ZNF804A: variants seen among roughly 807,000 people sequenced by gnomAD.
ZNF804A encodes zinc finger protein 804A.
In ZNF804A, 2 loss-of-function variants were observed where a neutral mutation model predicts 16.5. The ratio of observed to expected loss-of-function variants is 0.12; its 90% CI spans 0.05 to 0.38. The LOEUF (loss-of-function observed/expected upper bound fraction) is 0.38, where lower values mean the gene tolerates loss of function less well. Ranked by LOEUF, ZNF804A falls within the 10% of genes least tolerant of loss-of-function variation. The pLI is 0.99. For missense variants in ZNF804A, 1,473 were observed against 1,390.7 expected (o/e 1.06, Z -0.94); for synonymous variants, 534 against 489.6 (o/e 1.09, Z -1.20).
intron 1 of ZNF804A, among the ~76,000 whole-genome samples, chr2:184,650,134 G>T (rs1218374645): frequency 1.3e-5 from 2 of 151,966 alleles, no homozygotes; most frequent in African/African-American, 4.8e-5. Flanking sequence ...CTTCATTCCT[G>T]GGATTCAAGG....
At chr2:184,933,999 A>G (rs1407542688) in intron 3 of ZNF804A, among the ~76,000 whole-genome samples, 1 of 152,170 alleles carries the variant, frequency 6.6e-6, no homozygotes, top group African/African-American at 2.4e-5. Flanking sequence ...AAGTTATCTT[A>G]GTTGAAAGCT....
At position 184,938,717 on chromosome 2, in the gene ZNF804A, TGCAGCTGCTGCAGCTGCAGCTGCA is replaced by T. The variant is rs772277024; in HGVS notation, c.3324_3347del (p.Ala1112_Ala1119del). On this transcript the variant is annotated inframe_deletion, in exon 4 of 4. Coordinates refer to ENST00000302277, the MANE Select transcript of ZNF804A (RefSeq NM_194250.2). ...ATCACACTGTTTTGCAGCAGCACGC[TGCAGCTGCTGCAGCTGCAGCTGCA>T]GCCGCAGCTGCAGGAACCTTTAAAG... is the stretch of plus-strand genomic sequence containing the variant. The T allele has an allele frequency of 2.0e-5, 32 of 1,611,368 alleles. No individual in the cohort carries two copies. Among genetic ancestry groups the T allele is most frequent in the Non-Finnish European group, 2.5e-5 (30 of 1,178,282 alleles).
intron 1 of ZNF804A, among the ~76,000 whole-genome samples, chr2:184,800,290 C>T (rs1158243825): frequency 6.6e-6 from 1 of 151,830 alleles, no homozygotes; most frequent in African/African-American, 2.4e-5. Context: ...CTGAAATTCT[C>T]ATTGAAGTAT....
At chr2:184,722,598 T>C (rs908809664) in intron 1 of ZNF804A, among the ~76,000 whole-genome samples, 1 of 152,028 alleles carries the variant, frequency 6.6e-6, no homozygotes, top group Non-Finnish European at 1.5e-5. Flanking sequence ...TACGCAATAG[T>C]GACGTATGAA....
intron 1 of ZNF804A, among the ~76,000 whole-genome samples, chr2:184,853,576 A>G (rs917715560): frequency 6.6e-6 from 1 of 151,822 alleles, no homozygotes; most frequent in African/African-American, 2.4e-5. Context: ...TTCCTTCTAT[A>G]TCTAATTTTT....
At chr2:184,669,154 A>T (rs1211977371) in intron 1 of ZNF804A, among the ~76,000 whole-genome samples, 2 of 152,070 alleles carry the variant, frequency 1.3e-5, no homozygotes, top group Non-Finnish European at 2.9e-5. Context: ...AATGCAGTTT[A>T]TATAGTAAAA....
intron 1 of ZNF804A, among the ~76,000 whole-genome samples, chr2:184,752,306 T>C (rs141111382): frequency 8.7e-4 from 132 of 151,540 alleles, no homozygotes; most frequent in African/African-American, 3.0e-3. Context: ...GCGACAAAAA[T>C]AATAAAATTA....
intron 1 of ZNF804A, among the ~76,000 whole-genome samples, chr2:184,673,932 GTTTGAC>G (rs1265380328): frequency 2.0e-5 from 3 of 152,052 alleles, no homozygotes; most frequent in Admixed American, 6.6e-5. Context: ...AAAATCAATA[GTTTGAC>G]TTTGACATTT....
intron 2 of ZNF804A, among the ~76,000 whole-genome samples, chr2:184,892,009 G>A (rs1684991035): frequency 6.6e-6 from 1 of 152,094 alleles, no homozygotes; most frequent in Non-Finnish European, 1.5e-5. Flanking sequence ...AAATTACAAG[G>A]AGAAAAACAA....
intron 1 of ZNF804A, among the ~76,000 whole-genome samples, chr2:184,807,807 A>T (rs949303181): frequency 2.0e-5 from 3 of 151,672 alleles, no homozygotes; most frequent in Admixed American, 6.6e-5. Flanking sequence ...AAAAACACAT[A>T]TTAAGGCATT....
At chr2:184,885,065 A>C (rs1475326975) in intron 2 of ZNF804A, among the ~76,000 whole-genome samples, 4 of 152,204 alleles carry the variant, frequency 2.6e-5, no homozygotes, top group African/African-American at 7.2e-5. Flanking sequence ...TTGCAAAAGA[A>C]GATATACACA....
intron 1 of ZNF804A, among the ~76,000 whole-genome samples, chr2:184,630,232 C>T (rs1691583745): frequency 6.6e-6 from 1 of 151,928 alleles, no homozygotes; most frequent in Non-Finnish European, 1.5e-5. Context: ...TCTTTTATAC[C>T]TAGATAAGAT....
chr2:184,873,349 A>G (rs559051052), intron 2 of ZNF804A, among the ~76,000 whole-genome samples: 19 of 152,246 alleles, frequency 1.2e-4, no homozygotes, highest in Non-Finnish European at 2.6e-4. Context: ...TTAGCTGGCC[A>G]TGAAGGGCCA....
intron 1 of ZNF804A, among the ~76,000 whole-genome samples, chr2:184,865,624 T>C (rs563061240): frequency 6.6e-6 from 1 of 152,200 alleles, no homozygotes; most frequent in Non-Finnish European, 1.5e-5. Context: ...TTGGCCATTT[T>C]ATGCATTGCA....
rs1020395092 is a variant in ZNF804A at position 184,851,583 on chromosome 2, T to G, written c.112-14786T>G. 2.0e-5 allele frequency among the ~76,000 whole-genome samples: 3 copies of G among 151,984 alleles called. No homozygotes were observed. The East Asian group carries it at 5.8e-4, about 29-fold the overall frequency. Reference sequence around the variant, plus strand: ...ACAACACATTGTCTTTATCTCTTCATGCATCTATGGAGGTTTAGGCTGATT... The same window carrying G: ...ACAACACATTGTCTTTATCTCTTCAGGCATCTATGGAGGTTTAGGCTGATT... On this transcript the variant is annotated intron_variant, in intron 1 of 3. Transcript: ENST00000302277.
intron 1 of ZNF804A, among the ~76,000 whole-genome samples, chr2:184,637,396 A>G (rs993793107): frequency 6.6e-6 from 1 of 152,162 alleles, no homozygotes; most frequent in Non-Finnish European, 1.5e-5. Context: ...TTAGGAGAAT[A>G]TTTCCAGTAA....
At chr2:184,600,176 C>A (rs1360169154) in intron 1 of ZNF804A, among the ~76,000 whole-genome samples, 3 of 152,170 alleles carry the variant, frequency 2.0e-5, no homozygotes, top group Admixed American at 1.3e-4. Context: ...CGTTCTTGAT[C>A]GAATTTTCTT....
intron 1 of ZNF804A, among the ~76,000 whole-genome samples, chr2:184,805,412 G>A (rs1316074567): frequency 6.6e-6 from 1 of 152,058 alleles, no homozygotes; most frequent in Non-Finnish European, 1.5e-5. Flanking sequence ...TATGTCTAGA[G>A]ATGTAGTTTT....
At chr2:184,607,287 G>A (rs1251560612) in intron 1 of ZNF804A, among the ~76,000 whole-genome samples, 1 of 152,138 alleles carries the variant, frequency 6.6e-6, no homozygotes, top group Non-Finnish European at 1.5e-5. Context: ...CTATTCTCAT[G>A]CTGCTATAAG....
Sources: gnomAD v4.1 joint callset for allele counts (sites outside exome capture counted in the v4.1 genomes callset) on GRCh38, gnomAD v4.1.1 for gene constraint, MANE v1.5 for transcripts, NCBI Gene and HGNC (gene_info 2026-07-23, HGNC 2026-07-21) for gene names.